Variants in CAMK1D observed in about 807,000 individuals in gnomAD.
The protein encoded by CAMK1D is calcium/calmodulin dependent protein kinase ID, also known as calcium/calmodulin-dependent protein kinase type 1D.
A neutral mutation model predicts 47.7 loss-of-function variants in CAMK1D; 9 were observed. The ratio of observed to expected loss-of-function variants is 0.19; its 90% CI spans 0.11 to 0.33. CAMK1D has a LOEUF of 0.33. CAMK1D is among the 10% of genes least tolerant of loss of function. The probability of loss-of-function intolerance (pLI) is 1.00; values close to 1 mark genes in which losing one functional copy is unlikely to be tolerated. For synonymous variants in CAMK1D, 184 were observed against 184.9 expected (o/e 0.99, Z 0.04); for missense variants, 291 against 488.7 (o/e 0.60, Z 3.81).
At chr10:12,462,741 G>C (rs774753182) in intron 1 of CAMK1D, among the ~76,000 whole-genome samples, 1 of 152,024 alleles carries the variant, frequency 6.6e-6, no homozygotes, top group Non-Finnish European at 1.5e-5. Context: ...TCCCAGGCTG[G>C]AGTGCAGTGG....
Position 12,513,510 on chromosome 10 carries a change from G to A in CAMK1D, c.93-39715G>A, listed in dbSNP as rs190329460. The stretch of plus-strand genomic sequence containing the variant: ...TTATAAAAAGTACTTAATTAGGCCG[G>A]GCGTGGTGATTCATGCCTGTAATCC... On this transcript the variant is annotated intron_variant, in intron 1 of 10. Coordinates refer to ENST00000619168, the MANE Select transcript of CAMK1D (RefSeq NM_153498.4). Among the ~76,000 whole-genome samples, 17 of 152,254 alleles carry A rather than the reference G, an allele frequency of 1.1e-4. No individual in the cohort carries two copies. In the East Asian group the frequency reaches 2.9e-3, roughly 26 times the overall value.
chr10:12,661,834 T>C (rs1282732049), intron 2 of CAMK1D, among the ~76,000 whole-genome samples: 3 of 152,228 alleles, frequency 2.0e-5, no homozygotes, highest in Non-Finnish European at 4.4e-5. Context: ...AAGCAGATGG[T>C]TTGTGATCAT....
rs914534147 is a variant in CAMK1D, at chr10:12,349,764, G to C, written c.-55G>C. The C allele has an allele frequency of 1.2e-6, 1 of 836,360 alleles. No individual in the cohort carries two copies. The highest frequency in any genetic ancestry group is 1.5e-6 in the Non-Finnish European group (1 of 666,730). 51.8% of individuals were successfully genotyped at this position (836,360 alleles called of 1,614,324 possible). A position where few individuals can be genotyped will look rare whatever the true frequency, so the allele number is the denominator to read the frequency against. On this transcript the variant is annotated 5_prime_UTR_variant, in exon 1 of 11. Coordinates refer to ENST00000619168, the MANE Select transcript of CAMK1D (RefSeq NM_153498.4). ...GCCTCTGCGCCCGCGCCGCGCCCCC[G>C]GCGCCCCCTCCCCAGCGCGCCCCCG... is the stretch of plus-strand genomic sequence containing the variant.
At chr10:12,401,001 C>T (rs1839158255) in intron 1 of CAMK1D, among the ~76,000 whole-genome samples, 1 of 131,382 alleles carries the variant, frequency 7.6e-6, no homozygotes, top group East Asian at 2.1e-4. Flanking sequence ...CTGTCTTTAC[C>T]TTTCTCCTTT....
chr10:12,420,398 C>G (rs1024115011), intron 1 of CAMK1D, among the ~76,000 whole-genome samples: 4 of 152,142 alleles, frequency 2.6e-5, no homozygotes, highest in African/African-American at 9.7e-5. Flanking sequence ...TTTAATAGTT[C>G]TTACTACTTT....
intron 6 of CAMK1D, among the ~76,000 whole-genome samples, chr10:12,812,575 C>T (rs957158419): frequency 1.3e-5 from 2 of 152,122 alleles, no homozygotes. Context: ...GTGATCACGC[C>T]ATTGTGCTCC....
rs1264071988 is a variant in CAMK1D at position 12,813,105 on chromosome 10, CTAAA to C, written c.642-1088_642-1085del. ...AGATGCCTGTTGTCCCACCAGAACT[CTAAA>C]TTATAAGTCACTTGCACCAGCATTA... On this transcript the variant is annotated intron_variant, in intron 6 of 10. Coordinates refer to ENST00000619168, the MANE Select transcript of CAMK1D (RefSeq NM_153498.4). Among the ~76,000 whole-genome samples the C allele has an allele frequency of 2.0e-5, 3 of 152,288 alleles. No homozygotes were observed. In the East Asian group the frequency reaches 5.8e-4, roughly 29 times the overall value.
Position 12,544,590 on chromosome 10 carries a change from CAAAT to C in CAMK1D, c.93-8632_93-8629del, listed in dbSNP as rs1019860850. Among the ~76,000 whole-genome samples, 69 of 152,230 alleles carry C rather than the reference CAAAT, an allele frequency of 4.5e-4. 1 individual carries two copies. The highest frequency in any genetic ancestry group is 1.4e-3 in the African/African-American group (58 of 41,460). On this transcript the variant is annotated intron_variant, in intron 1 of 10. Coordinates refer to ENST00000619168, the MANE Select transcript of CAMK1D (RefSeq NM_153498.4). ...GTTTTAAAATAAATCAGGAAGGACT[CAAAT>C]AATTTTTATGCCTCAAGAGAAACCT...
At chr10:12,363,665 GTT>G (rs1165886868) in intron 1 of CAMK1D, among the ~76,000 whole-genome samples, 49 of 117,086 alleles carry the variant, frequency 4.2e-4, no homozygotes, top group Non-Finnish European at 4.4e-4. Flanking sequence ...GTTTCCTAAG[GTT>G]TTTTTTTTTT....
chr10:12,613,691 G>A (rs1301299833), intron 2 of CAMK1D, among the ~76,000 whole-genome samples: 1 of 152,152 alleles, frequency 6.6e-6, no homozygotes, highest in Non-Finnish European at 1.5e-5. Context: ...TGTTGGCCAG[G>A]CTGGTCTCGC....
intron 3 of CAMK1D, among the ~76,000 whole-genome samples, chr10:12,711,180 G>A (rs1032279924): frequency 6.6e-6 from 1 of 152,138 alleles, no homozygotes; most frequent in Non-Finnish European, 1.5e-5. Context: ...AGAGAAAACC[G>A]CCTGTTTCAG....
intron 1 of CAMK1D, among the ~76,000 whole-genome samples, chr10:12,517,081 T>A (rs2768410): frequency 0.55 from 83,623 of 151,966 alleles, 23,088 homozygotes; most frequent in South Asian, 0.69. Flanking sequence ...TTTTCAGCAT[T>A]TTATCCTGTA....
At chr10:12,778,405 G>A (rs909041898) in intron 5 of CAMK1D, among the ~76,000 whole-genome samples, 1 of 152,190 alleles carries the variant, frequency 6.6e-6, no homozygotes, top group African/African-American at 2.4e-5. Context: ...TGTGGCCTGT[G>A]GAGGCGGCAC....
chr10:12,694,001 T>C (rs1160093108), intron 3 of CAMK1D, among the ~76,000 whole-genome samples: 3 of 76,632 alleles, frequency 3.9e-5, no homozygotes, highest in South Asian at 7.9e-4. Context: ...ATATAATATA[T>C]ATAATATATA....
chr10:12,785,702 G>A (rs896346475), intron 5 of CAMK1D, among the ~76,000 whole-genome samples: 4 of 152,178 alleles, frequency 2.6e-5, no homozygotes, highest in African/African-American at 9.7e-5. Context: ...CTTGCCACGC[G>A]TCATAAAACT....
At chr10:12,516,665 A>C (rs534353234) in intron 1 of CAMK1D, among the ~76,000 whole-genome samples, 6 of 152,228 alleles carry the variant, frequency 3.9e-5, no homozygotes, top group Non-Finnish European at 8.8e-5. Context: ...GTCAGTTTTT[A>C]AAACATTCTA....
At chr10:12,432,710 CGAAT>C (rs1832521723) in intron 1 of CAMK1D, among the ~76,000 whole-genome samples, 1 of 152,206 alleles carries the variant, frequency 6.6e-6, no homozygotes, top group Non-Finnish European at 1.5e-5. Flanking sequence ...AATGAGTGAA[CGAAT>C]GAATGGTGTC....
At chr10:12,543,199 C>G (rs914239753) in intron 1 of CAMK1D, among the ~76,000 whole-genome samples, 1 of 152,148 alleles carries the variant, frequency 6.6e-6, no homozygotes, top group Admixed American at 6.5e-5. Flanking sequence ...AGGCACCCAC[C>G]ACCACGCCCG....
chr10:12,595,586 G>A lies in CAMK1D; in HGVS notation c.224+42230G>A, dbSNP rs750188248. 5.3e-5 allele frequency among the ~76,000 whole-genome samples: 8 copies of A among 151,938 alleles called. 1 individual carries two copies. Among genetic ancestry groups the A allele is most frequent in the Non-Finnish European group, 1.2e-4 (8 of 68,020 alleles). Reference sequence around the variant, plus strand: ...GATTGTATCTTTGCATTTGCGTTTTGTAAGTCAAGTCCAACGTGCGTGCTC... The same window carrying A: ...GATTGTATCTTTGCATTTGCGTTTTATAAGTCAAGTCCAACGTGCGTGCTC... On this transcript the variant is annotated intron_variant, in intron 2 of 10. Coordinates refer to ENST00000619168, the MANE Select transcript of CAMK1D (RefSeq NM_153498.4).
Sources: gnomAD v4.1 joint callset for allele counts (sites outside exome capture counted in the v4.1 genomes callset) on GRCh38, gnomAD v4.1.1 for gene constraint, MANE v1.5 for transcripts, NCBI Gene and HGNC (gene_info 2026-07-23, HGNC 2026-07-21) for gene names.